ATP11A: variants seen among roughly 807,000 people sequenced by gnomAD.
ATP11A encodes the protein phospholipid-transporting ATPase IH.
ATP11A carries 81 observed loss-of-function variants against 154.4 expected under a neutral mutation model. That is an observed-to-expected ratio of 0.52 (90% CI 0.44 to 0.63). ATP11A has a LOEUF of 0.63. Ranked by LOEUF, ATP11A falls within the 30% of genes least tolerant of loss-of-function variation. The pLI is 0.00. For missense variants in ATP11A, 1,316 were observed against 1,474.3 expected (o/e 0.89, Z 1.76); for synonymous variants, 623 against 585.9 (o/e 1.06, Z -0.91).
At chr13:112,782,950 T>C (rs1196681409) in intron 1 of ATP11A, among the ~76,000 whole-genome samples, 3 of 152,344 alleles carry the variant, frequency 2.0e-5, no homozygotes, top group Admixed American at 6.5e-5. Flanking sequence ...AAACACTGGT[T>C]GATAGTCTCA....
intron 6 of ATP11A, among the ~76,000 whole-genome samples, chr13:112,816,861 ATTG>A (rs1240956552): frequency 6.6e-6 from 1 of 152,252 alleles, no homozygotes; most frequent in Non-Finnish European, 1.5e-5. Flanking sequence ...TAATGAATAG[ATTG>A]TTGGAATTTT....
chr13:112,881,213 G>T (rs2080874707), intron 29 of ATP11A: 5 of 989,386 alleles, frequency 5.1e-6, no homozygotes, highest in Non-Finnish European at 6.0e-6. Flanking sequence ...CGTGCTGCCG[G>T]CCTCCTGCCG....
At chr13:112,811,603 AT>A (rs781572275) in intron 5 of ATP11A, 3 of 152,148 alleles carry the variant, frequency 2.0e-5, no homozygotes, top group Non-Finnish European at 4.4e-5. Flanking sequence ...TTTAAAAAAA[AT>A]GTATTTATTT....
intron 14 of ATP11A, among the ~76,000 whole-genome samples, chr13:112,833,825 C>A (rs888407058): frequency 3.9e-5 from 6 of 152,196 alleles, no homozygotes; most frequent in Non-Finnish European, 7.3e-5. Context: ...CCCAGGAATG[C>A]CACTGCCTTC....
intron 1 of ATP11A, among the ~76,000 whole-genome samples, chr13:112,693,752 G>T (rs995037057): frequency 1.4e-4 from 22 of 152,116 alleles, no homozygotes; most frequent in Non-Finnish European, 2.5e-4. Context: ...AGGAGTTCAA[G>T]ACCAACCTGG....
intron 11 of ATP11A, 95 bp from the exon 12 acceptor site, chr13:112,826,599 T>C: frequency 9.9e-7 from 1 of 1,014,280 alleles, no homozygotes; most frequent in Non-Finnish European, 1.6e-6. Context: ...AGCGCTCGTA[T>C]AACTTATGCC....
In ATP11A at chr13:112,882,705, C is replaced by T. The variant is rs959228899; in HGVS notation, c.*839C>T. The T allele has an allele frequency of 2.5e-5, 10 of 399,648 alleles. No individual in the cohort carries two copies. Among genetic ancestry groups the T allele is most frequent in the East Asian group, 7.1e-5 (2 of 28,070 alleles). 24.8% of individuals were successfully genotyped at this position (399,648 alleles called of 1,614,324 possible). ...CCACGCCGGCAGCTTCCAGCCCTGC[C>T]GCAGAAGTGCCAGGATGTCCATCAG... On this transcript the variant is annotated 3_prime_UTR_variant, in exon 30 of 30. Transcript: ENST00000375645. This position sits in a 1 kb window ranked among gnomAD's most constrained non-coding sequence, Gnocchi z 5.1.
intron 1 of ATP11A, among the ~76,000 whole-genome samples, chr13:112,706,604 T>C (rs1468478974): frequency 2.0e-5 from 3 of 152,224 alleles, no homozygotes; most frequent in African/African-American, 7.2e-5. Context: ...AAGAAATAGA[T>C]TGATTAATTT....
rs961645470 is a variant in ATP11A at position 112,731,716 on chromosome 13, A to C, written c.39+41261A>C. Among the ~76,000 whole-genome samples, 14 of 152,246 alleles carry C rather than the reference A, an allele frequency of 9.2e-5. 1 individual carries two copies. In the East Asian group the frequency reaches 2.5e-3, roughly 27 times the overall value. On this transcript the variant is annotated intron_variant, in intron 1 of 29. Coordinates refer to ENST00000375645, the MANE Select transcript of ATP11A (RefSeq NM_015205.3). ...CACGAGGCCTGTCACGTCCTATCCT[A>C]TGAGATCCATCACATCTTATCCTGT...
chr13:112,853,773 A>G (rs1288271145), intron 18 of ATP11A, among the ~76,000 whole-genome samples: 1 of 152,210 alleles, frequency 6.6e-6, no homozygotes, highest in African/African-American at 2.4e-5. Context: ...TAGAATCACT[A>G]GTGTTATTCT....
chr13:112,714,967 C>CG (rs146886297), intron 1 of ATP11A, among the ~76,000 whole-genome samples: 6,801 of 152,206 alleles, frequency 0.045, 508 homozygotes, highest in African/African-American at 0.15. Context: ...CCCTGGCAGC[C>CG]CCATTCAACT....
At chr13:112,742,998 A>G (rs571391567) in intron 1 of ATP11A, among the ~76,000 whole-genome samples, 1 of 152,324 alleles carries the variant, frequency 6.6e-6, no homozygotes, top group East Asian at 1.9e-4. Context: ...TTAGGTTTCT[A>G]AGCATCAGTA....
rs768594736 is a variant in ATP11A, at chr13:112,825,610, C to T, written c.1023+30C>T. ...GGAGAATCACTGCCCTTGTATGATC[C>T]GAGGTGACCTGTGGGCCATTATTAC... On this transcript the variant is annotated intron_variant, in intron 11 of 29. Coordinates refer to ENST00000375645, the MANE Select transcript of ATP11A (RefSeq NM_015205.3). 1.8e-5 allele frequency: 29 copies of T among 1,576,848 alleles called. No homozygotes were observed. The African/African-American group carries it at 2.7e-4, about 15-fold the overall frequency.
intron 9 of ATP11A, 72 bp downstream of exon 9, chr13:112,823,481 A>G: frequency 7.7e-7 from 1 of 1,292,972 alleles, no homozygotes; most frequent in Non-Finnish European, 1.1e-6. Context: ...TAAAACCCGC[A>G]GCGGAACCCG....
Position 112,737,163 on chromosome 13 carries a change from T to A in ATP11A, c.39+46708T>A, listed in dbSNP as rs550918254. On this transcript the variant is annotated intron_variant, in intron 1 of 29. Coordinates refer to ENST00000375645, the MANE Select transcript of ATP11A (RefSeq NM_015205.3). ...AAGAAGCCAGACAGGAAGAGTATGT[T>A]ATAAGATTCATTGATGTGAGGTTCA... Among the ~76,000 whole-genome samples, 10 of 152,288 alleles carry A rather than the reference T, an allele frequency of 6.6e-5. No homozygotes were observed. In the South Asian group the frequency reaches 1.9e-3, roughly 28 times the overall value.
intron 1 of ATP11A, among the ~76,000 whole-genome samples, chr13:112,784,632 C>T (rs1204327731): frequency 6.6e-6 from 1 of 151,882 alleles, no homozygotes; most frequent in Non-Finnish European, 1.5e-5. Flanking sequence ...ACGCCATTCT[C>T]CTGCCTCAGC....
chr13:112,772,621 C>G (rs1321071824), intron 1 of ATP11A, among the ~76,000 whole-genome samples: 1 of 151,998 alleles, frequency 6.6e-6, no homozygotes, highest in Non-Finnish European at 1.5e-5. Context: ...ACCAGGTGCT[C>G]CCAAGCCCTG....
chr13:112,842,461 G>C (rs905034927), intron 17 of ATP11A, 82 bp downstream of exon 17: 1 of 1,029,694 alleles, frequency 9.7e-7, no homozygotes, highest in African/African-American at 1.6e-5. Flanking sequence ...CAAGTTCCTG[G>C]CTGGGAATGG....
In ATP11A at chr13:112,883,458, C is replaced by T. The variant is rs1199261016; in HGVS notation, c.*1592C>T. The T allele has an allele frequency of 8.4e-6, 3 of 359,244 alleles. No homozygotes were observed. The highest frequency in any genetic ancestry group is 1.5e-4 in the South Asian group (1 of 6,662). 22.3% of individuals were successfully genotyped at this position (359,244 alleles called of 1,614,324 possible). On this transcript the variant is annotated 3_prime_UTR_variant, in exon 30 of 30. Transcript: ENST00000375645. ...GCCCGCCCCGCGCCACGCTGTGGAACGGGGCTCCGGCAAGTGAAACCCAGA... is the reference window on the plus strand; with the variant it reads ...GCCCGCCCCGCGCCACGCTGTGGAATGGGGCTCCGGCAAGTGAAACCCAGA...
Sources: gnomAD v4.1 joint callset for allele counts (sites outside exome capture counted in the v4.1 genomes callset) on GRCh38, gnomAD v4.1.1 for gene constraint, Gnocchi (gnomAD v3.1) non-coding constraint, MANE v1.5 for transcripts, NCBI Gene and HGNC (gene_info 2026-07-23, HGNC 2026-07-21) for gene names.